The following HS3ST4 variants were observed in gnomAD, a reference collection of about 807,000 sequenced individuals.
The protein encoded by HS3ST4 is heparan sulfate-glucosamine 3-sulfotransferase 4.
A neutral mutation model predicts 29.2 loss-of-function variants in HS3ST4; 17 were observed. The ratio of observed to expected loss-of-function variants is 0.58; its 90% confidence interval spans 0.40 to 0.87. HS3ST4 has a LOEUF of 0.87. Ranked by LOEUF, HS3ST4 falls within the 40% of genes least tolerant of loss-of-function variation. The pLI, the probability that HS3ST4 is intolerant of heterozygous loss-of-function variation, is 0.00. For synonymous variants in HS3ST4, 314 were observed against 285.7 expected (o/e 1.10, Z -1.00); for missense variants, 627 against 634.5 (o/e 0.99, Z 0.13).
At chr16:25,992,387 T>C (rs1969122296) in intron 1 of HS3ST4, among the ~76,000 whole-genome samples, 1 of 152,188 alleles carries the variant, frequency 6.6e-6, no homozygotes, top group African/African-American at 2.4e-5. Context: ...ATGGGAGAGA[T>C]GGAAGAGTAT....
At chr16:25,794,050 C>G (rs1193762025) in intron 1 of HS3ST4, among the ~76,000 whole-genome samples, 2 of 151,788 alleles carry the variant, frequency 1.3e-5, no homozygotes, top group Admixed American at 1.3e-4. Context: ...TGATGTTGGT[C>G]CTTTGATTCT....
At chr16:25,967,654 G>A (rs1968856114) in intron 1 of HS3ST4, among the ~76,000 whole-genome samples, 1 of 152,150 alleles carries the variant, frequency 6.6e-6, no homozygotes, top group Non-Finnish European at 1.5e-5. Flanking sequence ...TCATAATAAG[G>A]TTATCACTAG....
chr16:25,911,560 GCAGTTGT>G (rs1300430510), intron 1 of HS3ST4, among the ~76,000 whole-genome samples: 2 of 137,816 alleles, frequency 1.5e-5, no homozygotes, highest in Non-Finnish European at 1.5e-5. Context: ...AGGCTGGAGT[GCAGTTGT>G]GCAATCATAG....
chr16:26,006,456 A>C (rs975777121), intron 1 of HS3ST4, among the ~76,000 whole-genome samples: 1 of 151,992 alleles, frequency 6.6e-6, no homozygotes, highest in African/African-American at 2.4e-5. Flanking sequence ...GATAGAGCCA[A>C]TTTATCAAGA....
chr16:25,784,065 G>T (rs1596569676), intron 1 of HS3ST4, among the ~76,000 whole-genome samples: 1 of 152,184 alleles, frequency 6.6e-6, no homozygotes, highest in East Asian at 1.9e-4. Context: ...TCTTATATCT[G>T]TTATGATGAT....
chr16:26,124,996 T>A (rs1276182913), intron 1 of HS3ST4, among the ~76,000 whole-genome samples: 2 of 152,256 alleles, frequency 1.3e-5, no homozygotes, highest in Non-Finnish European at 2.9e-5. Flanking sequence ...CCTTAACTTT[T>A]GATCCTTTGA....
At chr16:25,697,085 C>A (rs2141578768) in intron 1 of HS3ST4, among the ~76,000 whole-genome samples, 1 of 152,284 alleles carries the variant, frequency 6.6e-6, no homozygotes, top group Non-Finnish European at 1.5e-5. Context: ...TACTAGGAAG[C>A]ATATACCCTG....
chr16:25,814,429 C>G (rs1456822280), intron 1 of HS3ST4, among the ~76,000 whole-genome samples: 1 of 152,086 alleles, frequency 6.6e-6, no homozygotes, highest in African/African-American at 2.4e-5. Context: ...TCACTGCAAC[C>G]TCTGCTTCCC....
chr16:25,729,341 A>G (rs1276410657), intron 1 of HS3ST4, among the ~76,000 whole-genome samples: 1 of 152,192 alleles, frequency 6.6e-6, no homozygotes, highest in Non-Finnish European at 1.5e-5. Flanking sequence ...AAATATATGC[A>G]TATGGAATCT....
chr16:25,888,433 C>T (rs527730390), intron 1 of HS3ST4, among the ~76,000 whole-genome samples: 209 of 152,082 alleles, frequency 1.4e-3, no homozygotes, highest in Middle Eastern at 3.5e-3. Flanking sequence ...TTTTCAGAAG[C>T]TTCAGGTTGC....
chr16:26,048,453 C>T (rs1025646310), intron 1 of HS3ST4, among the ~76,000 whole-genome samples: 8 of 152,244 alleles, frequency 5.3e-5, no homozygotes, highest in Admixed American at 1.3e-4. Context: ...ATGGAACATG[C>T]GTCACTGAAT....
intron 1 of HS3ST4, among the ~76,000 whole-genome samples, chr16:25,768,912 C>T (rs545750092): frequency 1.3e-5 from 2 of 152,218 alleles, no homozygotes; most frequent in Admixed American, 6.5e-5. Context: ...GGTAGCAGTC[C>T]GTTTAAGCAG....
chr16:25,914,643 G>A (rs967470861), intron 1 of HS3ST4, among the ~76,000 whole-genome samples: 1 of 151,240 alleles, frequency 6.6e-6, no homozygotes, highest in African/African-American at 2.4e-5. Flanking sequence ...GTGTGTGTGT[G>A]TGCACGTGTG....
intron 1 of HS3ST4, among the ~76,000 whole-genome samples, chr16:26,111,672 A>G (rs968267994): frequency 1.3e-5 from 2 of 152,162 alleles, no homozygotes; most frequent in Non-Finnish European, 2.9e-5. Flanking sequence ...AACTGAACAC[A>G]TAGATTTTTA....
intron 1 of HS3ST4, among the ~76,000 whole-genome samples, chr16:25,996,899 A>T (rs1221325055): frequency 6.6e-6 from 1 of 152,136 alleles, no homozygotes; most frequent in Non-Finnish European, 1.5e-5. Context: ...ATTTATTGAT[A>T]TCTTGGTTGG....
chr16:26,020,931 A>C (rs1412929374), intron 1 of HS3ST4, among the ~76,000 whole-genome samples: 1 of 152,188 alleles, frequency 6.6e-6, no homozygotes, highest in African/African-American at 2.4e-5. Context: ...GTTTCCATAT[A>C]TGTAAAATGG....
chr16:25,921,888 G>C (rs1968358541), intron 1 of HS3ST4, among the ~76,000 whole-genome samples: 1 of 151,952 alleles, frequency 6.6e-6, no homozygotes, highest in African/African-American at 2.4e-5. Context: ...CCAAGTAGCT[G>C]GGACTACAGG....
intron 1 of HS3ST4, among the ~76,000 whole-genome samples, chr16:26,040,876 C>CACCCATGCTGT: frequency 6.6e-6 from 1 of 152,130 alleles, no homozygotes; most frequent in Non-Finnish European, 1.5e-5. Flanking sequence ...CATATTACCT[C>CACCCATGCTGT]ACCCAACATG....
chr16:25,979,267 A>G (rs1449548777), intron 1 of HS3ST4, among the ~76,000 whole-genome samples: 7 of 152,082 alleles, frequency 4.6e-5, no homozygotes, highest in African/African-American at 1.4e-4. Flanking sequence ...TGGATATTCT[A>G]TAACAGGGGT....
Sources: allele counts gnomAD v4.1 joint callset (sites outside exome capture counted in the v4.1 genomes callset), GRCh38; gene constraint gnomAD v4.1.1; transcripts MANE v1.5; gene names NCBI Gene and HGNC (gene_info 2026-07-23, HGNC 2026-07-21).